COL17A1: variants seen among roughly 807,000 people sequenced by gnomAD.
The protein encoded by COL17A1 is collagen type XVII alpha 1 chain, also known as collagen alpha-1(XVII) chain.
COL17A1 carries 181 observed loss-of-function variants against 218.4 expected under a neutral mutation model. That is an observed-to-expected ratio of 0.83 (90% CI 0.73 to 0.94). The LOEUF is 0.94. Ranked by LOEUF, COL17A1 falls within the 40% of genes least tolerant of loss-of-function variation. COL17A1 has a pLI of 0.00. For synonymous variants in COL17A1, 721 were observed against 731.0 expected (o/e 0.99, Z 0.22); for missense variants, 1,924 against 1,945.9 (o/e 0.99, Z 0.21).
intron 4 of COL17A1, among the ~76,000 whole-genome samples, 177 bp downstream of exon 4, chr10:104,077,245 T>TG (rs1347921897): frequency 1.3e-5 from 2 of 152,226 alleles, no homozygotes; most frequent in East Asian, 3.8e-4. Flanking sequence ...GCCCAATAGC[T>TG]GTGTGTTATT....
Position 104,062,306 on chromosome 10 carries a change from C to A in COL17A1, c.862G>T (p.Ala288Ser). 1 of 1,614,148 alleles carries A rather than the reference C, an allele frequency of 6.2e-7. No individual in the cohort carries two copies. Among genetic ancestry groups the A allele is most frequent in the South Asian group, 1.1e-5 (1 of 91,074 alleles). Residue 288 changes from alanine to serine, a missense_variant, in exon 12 of 56, where the codon GCC becomes TCC. Physicochemically the swap from Ala to Ser is moderately conservative, Grantham distance 99. Transcript: ENST00000648076. ...SSVFGMQNNL[A>S]PSLTTLSHGT... Reference sequence around the variant, plus strand: ...TGGGACAGGGTGGTCAAGCTGGGGGCCAGATTGTTCTGCATGCCAAACACT... The same window carrying A: ...TGGGACAGGGTGGTCAAGCTGGGGGACAGATTGTTCTGCATGCCAAACACT...
rs769211590 is a variant in COL17A1, at chr10:104,033,343, C to G, written c.4189G>C (p.Val1397Leu). 2.5e-6 allele frequency: 4 copies of G among 1,610,064 alleles called. No individual in the cohort carries two copies. The South Asian group carries it at 3.3e-5, about 13-fold the overall frequency. Residue 1397 changes from valine (V) to leucine (L), a missense_variant, in exon 53 of 56, where the codon GTC (valine) becomes CTC (leucine). Transcript: ENST00000648076. ...CCAGGCTGGCCTGGTGGGCCCTGGACAGTGTAGGCCATCCCTTGCAGTAGG... is the reference window on the plus strand; with the variant it reads ...CCAGGCTGGCCTGGTGGGCCCTGGAGAGTGTAGGCCATCCCTTGCAGTAGG... ...QGLLQGMAYT[V>L]QGPPGQPGPQ... is the part of the protein sequence containing the mutation.
chr10:104,048,831 T>C (rs565964040), intron 29 of COL17A1, among the ~76,000 whole-genome samples: 21 of 135,570 alleles, frequency 1.5e-4, no homozygotes, highest in Middle Eastern at 3.6e-3. Flanking sequence ...AACATGGTCT[T>C]TTTTTTTTTT....
At position 104,032,304 on chromosome 10, in the gene COL17A1, G is replaced by C. The variant is rs1465809400; in HGVS notation, c.4439-14C>G. ...AGACTTGGTCACCTGAAAGTTAGAAGATCAGTAGGAAGTTAAAACATATCT... is the reference window on the plus strand; with the variant it reads ...AGACTTGGTCACCTGAAAGTTAGAACATCAGTAGGAAGTTAAAACATATCT... On this transcript the variant is annotated splice_polypyrimidine_tract_variant and intron_variant, in intron 55 of 55. Transcript: ENST00000648076. The C allele has an allele frequency of 1.9e-6, 3 of 1,612,348 alleles. No individual in the cohort carries two copies. The highest frequency in any genetic ancestry group is 2.5e-6 in the Non-Finnish European group (3 of 1,178,372).
chr10:104,070,701 TG>T (rs1394958202), intron 8 of COL17A1, 132 bp from the exon 9 acceptor site: 4 of 1,588,318 alleles, frequency 2.5e-6, no homozygotes, highest in Non-Finnish European at 3.4e-6. Flanking sequence ...TGGAACTTTT[TG>T]CTTGGCTTTA....
chr10:104,061,300 C>T (rs1460414968), intron 13 of COL17A1, 105 bp downstream of exon 13: 6 of 1,185,872 alleles, frequency 5.1e-6, no homozygotes, highest in South Asian at 1.3e-5. Context: ...CCTATTTCCT[C>T]TTCCAGTATA....
In COL17A1 at chr10:104,070,377, G is replaced by C. The variant is rs775654035; in HGVS notation, c.607+49C>G. The C allele has an allele frequency of 1.9e-6, 3 of 1,611,294 alleles. No individual in the cohort carries two copies. In the South Asian group the frequency reaches 3.3e-5, roughly 18 times the overall value. On this transcript the variant is annotated intron_variant, in intron 9 of 55. Coordinates refer to ENST00000648076, the MANE Select transcript of COL17A1 (RefSeq NM_000494.4). The stretch of plus-strand genomic sequence containing the variant: ...TGAGTCCACTCTTTGGGTTTGGATG[G>C]GTAAGTTTGTTTCTCACACTCCTCG...
chr10:104,032,161 C>T lies in COL17A1; in HGVS notation c.*74G>A. The T allele has an allele frequency of 8.4e-7, 1 of 1,196,274 alleles. No individual in the cohort carries two copies. The highest frequency in any genetic ancestry group is 1.2e-6 in the Non-Finnish European group (1 of 802,056). The allele number at this position is 1,196,274 out of a possible 1,614,324, so 74.1% of individuals were successfully genotyped here. On this transcript the variant is annotated 3_prime_UTR_variant, in exon 56 of 56. Coordinates refer to ENST00000648076, the MANE Select transcript of COL17A1 (RefSeq NM_000494.4). ...GACATTGACAGACTCCAGCTTTCAC[C>T]CTCTGGAGACCTTGGACCTAAGTGC...
intron 35 of COL17A1, among the ~76,000 whole-genome samples, chr10:104,043,221 T>C (rs1480812591): frequency 6.6e-6 from 1 of 152,234 alleles, no homozygotes; most frequent in African/African-American, 2.4e-5. Flanking sequence ...CTGCTGCTTA[T>C]TGGCCGTGGG....
intron 46 of COL17A1, among the ~76,000 whole-genome samples, chr10:104,037,398 G>A (rs2086311167): frequency 6.6e-6 from 1 of 151,952 alleles, no homozygotes; most frequent in African/African-American, 2.4e-5. Context: ...CTATAATTAG[G>A]AACACATTAG....
intron 48 of COL17A1, 53 bp from the exon 49 acceptor site, chr10:104,035,616 G>T: frequency 7.1e-7 from 1 of 1,408,374 alleles, no homozygotes; most frequent in Non-Finnish European, 1.0e-6. Context: ...GGAAACACCT[G>T]TCAGAGAGGA....
intron 48 of COL17A1, among the ~76,000 whole-genome samples, chr10:104,036,157 TGTGA>T (rs199850109): frequency 1.1e-5 from 1 of 87,078 alleles, no homozygotes; most frequent in African/African-American, 3.6e-5. Context: ...TGTATGGGAG[TGTGA>T]GTATGGGTGT....
In COL17A1 at chr10:104,057,066, G is replaced by A. The variant is rs778075301; in HGVS notation, c.1374C>T (p.Cys458=). The change falls in exon 17 of 56, where the codon TGC becomes TGT. Residue 458 remains cysteine, a synonymous_variant. Transcript: ENST00000648076. ...PWGPAPAWCP[C]GSCCSWWKWL... The stretch of plus-strand genomic sequence containing the variant: ...ACTTCCACCAGCTGCAGCAGGAGCC[G>A]CAGGGGCACCAGGCTGGCGCTGGTC... The A allele has an allele frequency of 1.9e-6, 3 of 1,610,300 alleles. No individual in the cohort carries two copies. The highest frequency in any genetic ancestry group is 2.2e-5 in the East Asian group (1 of 44,812).
In COL17A1 at chr10:104,050,887, G is replaced by GGAGACCT. The variant is rs2086462705; in HGVS notation, c.2046_2052dup (p.Gln685ArgfsTer8). The GGAGACCT allele has an allele frequency of 6.2e-7, 1 of 1,614,020 alleles. No homozygotes were observed. Among genetic ancestry groups the GGAGACCT allele is most frequent in the African/African-American group, 1.3e-5 (1 of 74,902 alleles). ...AGTCCTACTTCACCTCGGAGCCCTTGGAGACCTACAGGACCTGCCCGGCAG... is the reference window on the plus strand; with the variant it reads ...AGTCCTACTTCACCTCGGAGCCCTTGGAGACCTGAGACCTACAGGACCTGCCCGGCAG... On this transcript the variant is annotated frameshift_variant, in exon 26 of 56. Transcript: ENST00000648076. LOFTEE classifies it high-confidence loss of function.
In COL17A1 at chr10:104,032,986, C is replaced by T; in HGVS notation, c.4295-18G>A. 1 of 1,612,258 alleles carries T rather than the reference C, an allele frequency of 6.2e-7. No individual in the cohort carries two copies. The highest frequency in any genetic ancestry group is 2.2e-5 in the East Asian group (1 of 44,844). The stretch of plus-strand genomic sequence containing the variant: ...TCCATAAGCTGCAAAAGCAAGGAAA[C>T]ACTGGCCTTAGAGTCTTGATCACCT... On this transcript the variant is annotated intron_variant, in intron 53 of 55. Transcript: ENST00000648076.
At chr10:104,076,186 A>C (rs2086708441) in intron 5 of COL17A1, 115 bp downstream of exon 5, 1 of 1,500,222 alleles carries the variant, frequency 6.7e-7, no homozygotes, top group Non-Finnish European at 9.2e-7. Context: ...ATGAAGGAGG[A>C]GTGGGGAGAA....
chr10:104,078,961 C>T (rs1185099022), intron 2 of COL17A1, among the ~76,000 whole-genome samples: 1 of 152,186 alleles, frequency 6.6e-6, no homozygotes, highest in Non-Finnish European at 1.5e-5. Context: ...CTGCATTTCT[C>T]CTTCCCCATG....
intron 35 of COL17A1, among the ~76,000 whole-genome samples, chr10:104,042,775 G>T (rs993622893): frequency 6.6e-6 from 1 of 152,220 alleles, no homozygotes; most frequent in African/African-American, 2.4e-5. Flanking sequence ...GGCCTTGGTT[G>T]TGGTAAGTTG....
At chr10:104,074,335 TCA>T in intron 5 of COL17A1, 104 bp from the exon 6 acceptor site, 2 of 1,505,708 alleles carry the variant, frequency 1.3e-6, no homozygotes, top group South Asian at 2.3e-5. Flanking sequence ...TCCACAGCCC[TCA>T]GTGTTTCAGG....
Sources: allele counts gnomAD v4.1 joint callset (sites outside exome capture counted in the v4.1 genomes callset), GRCh38; gene constraint gnomAD v4.1.1; transcripts MANE v1.5; gene names NCBI Gene and HGNC (gene_info 2026-07-23, HGNC 2026-07-21).